DOCK4: variants seen among roughly 807,000 people sequenced by gnomAD.
DOCK4 encodes the protein dedicator of cytokinesis 4, also known as dedicator of cytokinesis protein 4.
DOCK4 carries 97 observed loss-of-function variants against 268.1 expected under a neutral mutation model. The ratio of observed to expected loss-of-function variants is 0.36; its 90% confidence interval spans 0.31 to 0.43. The LOEUF is 0.43. DOCK4 is among the 20% of genes least tolerant of loss of function. The pLI is 1.00. For missense variants in DOCK4, 2,145 were observed against 2,455.7 expected (o/e 0.87, Z 2.67); for synonymous variants, 954 against 887.2 (o/e 1.08, Z -1.34).
Position 111,728,052 on chromosome 7 carries a change from A to G in DOCK4, c.*222T>C, listed in dbSNP as rs1018116969. 2.5e-6 allele frequency: 1 copy of G among 406,692 alleles called. No individual in the cohort carries two copies. The highest frequency in any genetic ancestry group is 4.3e-6 in the Non-Finnish European group (1 of 233,514). The allele number at this position is 406,692 out of a possible 1,614,324, so 25.2% of individuals were successfully genotyped here. ...TATCACTATTTACCACTTCCAAATGAGAAACGTTTTAATGAAATTCAGCCA... is the reference window on the plus strand; with the variant it reads ...TATCACTATTTACCACTTCCAAATGGGAAACGTTTTAATGAAATTCAGCCA... On this transcript the variant is annotated 3_prime_UTR_variant, in exon 53 of 53. Transcript: ENST00000428084.
At position 111,728,322 on chromosome 7, in the gene DOCK4, G is replaced by A. The variant is rs1391363631; in HGVS notation, c.5880C>T (p.Asp1960=). 8.6e-6 allele frequency: 13 copies of A among 1,514,004 alleles called. No individual in the cohort carries two copies. The highest frequency in any genetic ancestry group is 1.1e-5 in the Non-Finnish European group (13 of 1,132,878). 93.8% of individuals were successfully genotyped at this position (1,514,004 alleles called of 1,614,324 possible). ...SHLENGARRT[D]PGPRPRPLPR... Reference sequence around the variant, plus strand: ...GCAGGGGCCTGGGCCGCGGGCCGGGGTCAGTCCTCCGGGCCCCATTCTCCA... The same window carrying A: ...GCAGGGGCCTGGGCCGCGGGCCGGGATCAGTCCTCCGGGCCCCATTCTCCA... The change falls in exon 53 of 53, where the codon GAC becomes GAT. Residue 1960 remains aspartate, a synonymous_variant. Transcript: ENST00000428084.
At chr7:112,187,806 T>G (rs949855324) in intron 1 of DOCK4, among the ~76,000 whole-genome samples, 1 of 152,224 alleles carries the variant, frequency 6.6e-6, no homozygotes, top group African/African-American at 2.4e-5. Flanking sequence ...TAGAATGAGA[T>G]CTAAAATGAT....
intron 40 of DOCK4, among the ~76,000 whole-genome samples, chr7:111,759,605 G>A (rs936235975): frequency 1.3e-5 from 2 of 152,112 alleles, no homozygotes; most frequent in African/African-American, 4.8e-5. Flanking sequence ...GAGTGCTGGG[G>A]TGAACTGCCT....
chr7:111,739,669 C>A (rs79679554), intron 47 of DOCK4, 192 bp from the exon 48 acceptor site: 7,278 of 589,516 alleles, frequency 0.012, 71 homozygotes, highest in Middle Eastern at 0.042. Context: ...GATTTTGACT[C>A]CTGCCAAAGG....
rs755809361 is a variant in DOCK4, at chr7:111,935,567, G to A, written c.1039C>T (p.Arg347Cys). ...HENIIKKLNA[R>C]YNLTGSNAGL... is the part of the protein sequence containing the mutation. ...GCATTGGAGCCAGTCAAGTTATAAC[G>A]TGCATTCAGCTTTTTGATGATGTTC... Residue 347 changes from arginine to cysteine, a missense_variant, in exon 12 of 53, where the codon CGT (arginine) becomes TGT (cysteine). Physicochemically the swap from Arg to Cys is radical, Grantham distance 180. Around this residue, in one of 2 missense-constraint regions of DOCK4, gnomAD observed 1,598 missense variants for 1,986.7 expected, o/e 0.80. Transcript: ENST00000428084. 10 of 1,613,770 alleles carry A rather than the reference G, an allele frequency of 6.2e-6. No individual in the cohort carries two copies. Among genetic ancestry groups the A allele is most frequent in the Admixed American group, 1.7e-5 (1 of 59,992 alleles).
In DOCK4 at chr7:112,117,696, G is replaced by C. The variant is rs567810120; in HGVS notation, c.37+88406C>G. Among the ~76,000 whole-genome samples the C allele has an allele frequency of 2.0e-5, 3 of 152,300 alleles. No individual in the cohort carries two copies. In the East Asian group the frequency reaches 5.8e-4, roughly 29 times the overall value. Reference sequence around the variant, plus strand: ...ACCTTTTCTTTTTGTAAAATGTATTGCTGATAAAGTTTTTGGATGTTGCGT... The same window carrying C: ...ACCTTTTCTTTTTGTAAAATGTATTCCTGATAAAGTTTTTGGATGTTGCGT... On this transcript the variant is annotated intron_variant, in intron 1 of 52. Coordinates refer to ENST00000428084, the MANE Select transcript of DOCK4 (RefSeq NM_001363540.2).
chr7:112,189,095 G>T (rs886351), intron 1 of DOCK4, among the ~76,000 whole-genome samples: 18,701 of 152,100 alleles, frequency 0.12, 3,008 homozygotes, highest in African/African-American at 0.37. Flanking sequence ...ACAAAAATTT[G>T]GAATGGGAAG....
At chr7:111,939,321 C>A (rs1448786002) in intron 11 of DOCK4, among the ~76,000 whole-genome samples, 1 of 151,954 alleles carries the variant, frequency 6.6e-6, no homozygotes, top group Non-Finnish European at 1.5e-5. Flanking sequence ...TGAGACCAGC[C>A]TGGCTAACAC....
chr7:112,149,354 T>G (rs1217943979), intron 1 of DOCK4, among the ~76,000 whole-genome samples: 1 of 152,070 alleles, frequency 6.6e-6, no homozygotes, highest in Non-Finnish European at 1.5e-5. Context: ...GACAATCATG[T>G]TTTCAGCAAC....
At chr7:111,983,813 G>A (rs1034520570) in intron 7 of DOCK4, among the ~76,000 whole-genome samples, 2 of 145,958 alleles carry the variant, frequency 1.4e-5, no homozygotes, top group African/African-American at 2.6e-5. Context: ...AGTAGTTGGT[G>A]TATATAGTGC....
chr7:112,017,725 A>G (rs1298922491), intron 1 of DOCK4, among the ~76,000 whole-genome samples: 5 of 152,056 alleles, frequency 3.3e-5, no homozygotes, highest in African/African-American at 9.7e-5. Flanking sequence ...CACTGAGAAC[A>G]CCAATCTCTC....
intron 1 of DOCK4, among the ~76,000 whole-genome samples, chr7:112,098,000 A>G (rs1054248545): frequency 9.2e-5 from 14 of 152,030 alleles, no homozygotes; most frequent in African/African-American, 3.1e-4. Flanking sequence ...CTTCTCTCTC[A>G]CTCCACGTCT....
In DOCK4 at chr7:111,989,263, T is replaced by G. The variant is rs574620538; in HGVS notation, c.316-100A>C. 26 of 1,494,386 alleles carry G rather than the reference T, an allele frequency of 1.7e-5. No homozygotes were observed. The East Asian group carries it at 5.0e-4, about 29-fold the overall frequency. The allele number at this position is 1,494,386 out of a possible 1,614,324, so 92.6% of individuals were successfully genotyped here. A position where few individuals can be genotyped will look rare whatever the true frequency, so the allele number is the denominator to read the frequency against. On this transcript the variant is annotated intron_variant, in intron 5 of 52. Coordinates refer to ENST00000428084, the MANE Select transcript of DOCK4 (RefSeq NM_001363540.2). ...GAAGAGGCCCATTCTGGTTACCCACTATGTGCTTGCCACTCTGGACAGATG... is the reference window on the plus strand; with the variant it reads ...GAAGAGGCCCATTCTGGTTACCCACGATGTGCTTGCCACTCTGGACAGATG...
Position 111,763,502 on chromosome 7 carries a change from A to G in DOCK4, c.4020+1616T>C, listed in dbSNP as rs112073335. Reference sequence around the variant, plus strand: ...TTGACTTTTTAACAAAATTTATTCTATTTGCTAATGCAGTTTTCCAATTTG... The same window carrying G: ...TTGACTTTTTAACAAAATTTATTCTGTTTGCTAATGCAGTTTTCCAATTTG... On this transcript the variant is annotated intron_variant, in intron 39 of 52. Transcript: ENST00000428084. 3.4e-3 allele frequency among the ~76,000 whole-genome samples: 524 copies of G among 152,340 alleles called. 4 individuals carry two copies. The highest frequency in any genetic ancestry group is 5.9e-3 in the Non-Finnish European group (400 of 68,020).
rs773221466 is a variant in DOCK4 at position 111,869,603 on chromosome 7, G to A, written c.2080C>T (p.Arg694Trp). 3.0e-5 allele frequency: 48 copies of A among 1,613,342 alleles called. No individual in the cohort carries two copies. The highest frequency in any genetic ancestry group is 5.3e-5 in the African/African-American group (4 of 74,878). ...AGCACCTCCTGGATATGCTCTTGCC[G>A]CTCTGCTTCTGTGATCCGGTCCACG... ...WYVDRITEAE[R>W]QEHIQEVLKA... The change falls in exon 21 of 53, where the codon CGG becomes TGG. Residue 694 changes from arginine to tryptophan, a missense_variant. Arg to Trp is a moderately radical substitution (Grantham distance 101). Coordinates refer to ENST00000428084, the MANE Select transcript of DOCK4 (RefSeq NM_001363540.2).
intron 23 of DOCK4, among the ~76,000 whole-genome samples, chr7:111,852,153 G>A (rs746181975): frequency 9.2e-5 from 14 of 151,900 alleles, no homozygotes; most frequent in Non-Finnish European, 1.6e-4. Flanking sequence ...TAGTAGAGAC[G>A]GGGTTTCACC....
At chr7:112,018,361 A>G (rs1268060793) in intron 1 of DOCK4, among the ~76,000 whole-genome samples, 2 of 152,166 alleles carry the variant, frequency 1.3e-5, no homozygotes, top group Non-Finnish European at 2.9e-5. Flanking sequence ...ATAACAAGTT[A>G]AGGCAAAATT....
chr7:111,838,835 G>T (rs999310895), intron 25 of DOCK4, among the ~76,000 whole-genome samples: 2 of 152,002 alleles, frequency 1.3e-5, no homozygotes, highest in Admixed American at 6.6e-5. Flanking sequence ...AACTAAAATT[G>T]TACATTTCAA....
chr7:111,790,137 A>C (rs1477965859), intron 31 of DOCK4, among the ~76,000 whole-genome samples: 2 of 152,214 alleles, frequency 1.3e-5, no homozygotes, highest in African/African-American at 2.4e-5. Flanking sequence ...TTTAATCATT[A>C]ACTCTCTGAT....
Sources: gnomAD v4.1 joint callset for allele counts (sites outside exome capture counted in the v4.1 genomes callset) on GRCh38, gnomAD v4.1.1 for gene constraint, gnomAD v4.1.1 regional missense constraint, MANE v1.5 for transcripts, NCBI Gene and HGNC (gene_info 2026-07-23, HGNC 2026-07-21) for gene names.